The following ZIC4 variants were observed in gnomAD, a reference collection of about 807,000 sequenced individuals.
ZIC4 encodes zinc finger protein ZIC 4.
A neutral mutation model predicts 28.8 loss-of-function variants in ZIC4; 15 were observed. The ratio of observed to expected loss-of-function variants is 0.52; its 90% CI spans 0.35 to 0.80. The LOEUF (loss-of-function observed/expected upper bound fraction) is 0.80, where lower values mean the gene tolerates loss of function less well. ZIC4 is among the 30% of genes least tolerant of loss of function. The pLI, the probability that ZIC4 is intolerant of heterozygous loss-of-function variation, is 0.01. For missense variants in ZIC4, 512 were observed against 467.1 expected (o/e 1.10, Z -0.89); for synonymous variants, 220 against 198.1 (o/e 1.11, Z -0.93).
intron 3 of ZIC4, chr3:147,391,889 A>C: frequency 1.3e-5 from 11 of 877,200 alleles, no homozygotes; most frequent in Non-Finnish European, 1.5e-5. Context: ...TTCAGAAGAG[A>C]TTTTTACAGG....
At chr3:147,393,178 G>C (rs1026258374) in intron 3 of ZIC4, among the ~76,000 whole-genome samples, 2 of 150,250 alleles carry the variant, frequency 1.3e-5, no homozygotes, top group Non-Finnish European at 2.9e-5. Context: ...ATCCGATCTC[G>C]TGAGCGCCTC....
chr3:147,405,678 C>A (rs1576466395), intron 1 of ZIC4: 1 of 618,610 alleles, frequency 1.6e-6, no homozygotes, highest in East Asian at 2.8e-5. Context: ...CCCGAACCCA[C>A]TGCTGGCCGC....
At position 147,396,919 on chromosome 3, in the gene ZIC4, C is replaced by G. The variant is rs748293333; in HGVS notation, c.71-450G>C. 9.0e-5 allele frequency: 14 copies of G among 155,844 alleles called. No individual in the cohort carries two copies. The highest frequency in any genetic ancestry group is 1.9e-4 in the Admixed American group (3 of 15,464). The allele number at this position is 155,844 out of a possible 1,614,324, so 9.7% of individuals were successfully genotyped here. On this transcript the variant is annotated intron_variant, in intron 2 of 4. Transcript: ENST00000383075. This position sits in a 1 kb window ranked among gnomAD's most constrained non-coding sequence, Gnocchi z 4.2. ...GAGGTGGTGGTGGTTCTGAAGCGCC[C>G]CAGCCATATATATTTTCAGTGCCCC...
At chr3:147,404,269 G>A in intron 1 of ZIC4, 2 of 1,430,128 alleles carry the variant, frequency 1.4e-6, no homozygotes, top group Non-Finnish European at 1.8e-6. Flanking sequence ...CTTCTAAGAG[G>A]TCTGGATCAC....
chr3:147,396,034 G>A lies in ZIC4; in HGVS notation c.506C>T (p.Ala169Val), dbSNP rs62001026. 2.5e-6 allele frequency: 4 copies of A among 1,614,236 alleles called. No homozygotes were observed. The Admixed American group carries it at 6.7e-5, about 27-fold the overall frequency. Residue 169 changes from alanine (A) to valine (V), a missense_variant, in exon 3 of 5, where the codon GCC (alanine) becomes GTC (valine). Coordinates refer to ENST00000383075, the MANE Select transcript of ZIC4 (RefSeq NM_032153.6). This position sits in a 1 kb window ranked among gnomAD's most constrained non-coding sequence, Gnocchi z 4.2. ...TVEHVGGPEQANHICFWEECP... is the reference protein window; with the variant it reads ...TVEHVGGPEQVNHICFWEECP... The stretch of plus-strand genomic sequence containing the variant: ...CTCCTCCCAGAAGCAAATGTGGTTG[G>A]CCTGTTCCGGGCCGCCGACGTGCTC...
At chr3:147,399,346 C>T (rs528392337) in intron 2 of ZIC4, among the ~76,000 whole-genome samples, 8 of 152,288 alleles carry the variant, frequency 5.3e-5, no homozygotes, top group African/African-American at 1.9e-4. Context: ...AGTCATTTCA[C>T]CTCCCAGGTG....
chr3:147,403,795 G>C, intron 1 of ZIC4: 1 of 667,062 alleles, frequency 1.5e-6, no homozygotes, highest in Non-Finnish European at 2.3e-6. Context: ...CCAAATCCAA[G>C]TGGGACTCTG....
chr3:147,390,990 G>T lies in ZIC4; in HGVS notation c.945C>A (p.His315Gln). The T allele has an allele frequency of 6.2e-7, 1 of 1,613,236 alleles. No individual in the cohort carries two copies. Among genetic ancestry groups the T allele is most frequent in the Non-Finnish European group, 8.5e-7 (1 of 1,179,832 alleles). The change falls in exon 4 of 5, where the codon CAC becomes CAA. Residue 315 changes from histidine to glutamine, a missense_variant. By Grantham distance (24) the His-to-Gln change is conservative. Coordinates refer to ENST00000383075, the MANE Select transcript of ZIC4 (RefSeq NM_032153.6). ...ALVSPSSDCG[H>Q]KSQVASSAAV... is the part of the protein sequence containing the mutation. ...CCGCCGAGGAGGCCACCTGGGACTT[G>T]TGGCCGCAGTCCGACGAGGGCGACA...
At chr3:147,401,720 TA>T (rs2087167737) in intron 2 of ZIC4, among the ~76,000 whole-genome samples, 1 of 152,180 alleles carries the variant, frequency 6.6e-6, no homozygotes, top group Non-Finnish European at 1.5e-5. Context: ...ATTTTGGCAA[TA>T]AAAGAGGATA....
chr3:147,392,896 C>A, intron 3 of ZIC4: 1 of 152,264 alleles, frequency 6.6e-6, no homozygotes. Context: ...ACACTGGCAC[C>A]ATTTTATAAA....
intron 4 of ZIC4, 144 bp from the exon 5 acceptor site, chr3:147,389,003 G>A (rs1218854320): frequency 1.7e-5 from 11 of 643,960 alleles, no homozygotes; most frequent in African/African-American, 1.1e-4. Flanking sequence ...TCAGGAAGGG[G>A]GACTTTTTAA....
In ZIC4 at chr3:147,396,197, C is replaced by A; in HGVS notation, c.343G>T (p.Ala115Ser). The A allele has an allele frequency of 6.2e-7, 1 of 1,614,076 alleles. No individual in the cohort carries two copies. Among genetic ancestry groups the A allele is most frequent in the Non-Finnish European group, 8.5e-7 (1 of 1,179,998 alleles). ...VNLAAPHGPG[A>S]FFRYMRQPIK... The stretch of plus-strand genomic sequence containing the variant: ...GGCTGGCGCATGTAGCGGAAGAAAG[C>A]GCCAGGACCGTGGGGCGCAGCGAGG... The change falls in exon 3 of 5, where the codon GCT (alanine) becomes TCT (serine). Residue 115 changes from alanine (A) to serine (S), a missense_variant. By Grantham distance (99) the Ala-to-Ser change is moderately conservative. This residue lies in a region of ZIC4 where 310 missense variants were observed against 256.5 expected (regional missense o/e 1.21). Coordinates refer to ENST00000383075, the MANE Select transcript of ZIC4 (RefSeq NM_032153.6). This position sits in a 1 kb window ranked among gnomAD's most constrained non-coding sequence, Gnocchi z 4.2.
rs1039525895 is a variant in ZIC4 at position 147,393,771 on chromosome 3, C to T, written c.688+2081G>A. On this transcript the variant is annotated intron_variant, in intron 3 of 4. Coordinates refer to ENST00000383075, the MANE Select transcript of ZIC4 (RefSeq NM_032153.6). ...CGGGGAAGGTGTGGTGAGCTCCCGG[C>T]CCCGGCCGAGGGGTCCCTGGAGAGG... 2.5e-5 allele frequency: 10 copies of T among 405,198 alleles called. 1 individual carries two copies. The highest frequency in any genetic ancestry group is 1.8e-4 in the South Asian group (10 of 56,024). The allele number at this position is 405,198 out of a possible 1,614,324, so 25.1% of individuals were successfully genotyped here.
At chr3:147,392,426 C>G (rs939373314) in intron 3 of ZIC4, 7 of 985,474 alleles carry the variant, frequency 7.1e-6, no homozygotes, top group Non-Finnish European at 8.4e-6. Context: ...AGCTCACGGC[C>G]AGCTGAATTC....
At chr3:147,392,271 G>A (rs2107967534) in intron 3 of ZIC4, 2 of 985,850 alleles carry the variant, frequency 2.0e-6, no homozygotes, top group South Asian at 9.4e-5. Flanking sequence ...GGCCAGGCCT[G>A]GCTCCGCAGC....
chr3:147,399,819 T>A (rs188884579), intron 2 of ZIC4, among the ~76,000 whole-genome samples: 2 of 152,170 alleles, frequency 1.3e-5, no homozygotes, highest in Non-Finnish European at 2.9e-5. Flanking sequence ...GCACCCAGCA[T>A]CATGCCCAGC....
At chr3:147,405,332 G>C in intron 1 of ZIC4, 1 of 1,501,540 alleles carries the variant, frequency 6.7e-7, no homozygotes, top group Middle Eastern at 1.7e-4. Context: ...GGTGTGGGTC[G>C]CTGCGAGGAC....
chr3:147,391,458 T>G, intron 3 of ZIC4: 2 of 542,002 alleles, frequency 3.7e-6, no homozygotes, highest in Non-Finnish European at 6.4e-6. Flanking sequence ...CCCTCCCGCC[T>G]TCCTCCTCTG....
At position 147,386,762 on chromosome 3, in the gene ZIC4, C is replaced by G. The variant is rs931273271; in HGVS notation, c.*2097G>C. The G allele has an allele frequency of 6.6e-6, 1 of 152,204 alleles. No homozygotes were observed. The highest frequency in any genetic ancestry group is 1.5e-5 in the Non-Finnish European group (1 of 68,044). 9.4% of individuals were successfully genotyped at this position (152,204 alleles called of 1,614,324 possible). On this transcript the variant is annotated 3_prime_UTR_variant, in exon 5 of 5. Coordinates refer to ENST00000383075, the MANE Select transcript of ZIC4 (RefSeq NM_032153.6). ...TTCGATCACTGTGTTGTAGACCAAA[C>G]CTTCTAAACTTCAATTGCCAAGATT... is the stretch of plus-strand genomic sequence containing the variant.
Sources: gnomAD v4.1 joint callset for allele counts (sites outside exome capture counted in the v4.1 genomes callset) on GRCh38, gnomAD v4.1.1 for gene constraint, gnomAD v4.1.1 regional missense constraint, Gnocchi (gnomAD v3.1) non-coding constraint, MANE v1.5 for transcripts, NCBI Gene and HGNC (gene_info 2026-07-23, HGNC 2026-07-21) for gene names.